Variants in GALNTL6 observed in about 807,000 individuals in gnomAD.
GALNTL6 encodes polypeptide N-acetylgalactosaminyltransferase like 6.
GALNTL6 carries 46 observed loss-of-function variants against 73.7 expected under a neutral mutation model. That is an observed-to-expected ratio of 0.62 (90% confidence interval 0.49 to 0.80). GALNTL6 has a LOEUF of 0.80. Ranked by LOEUF, GALNTL6 falls within the 30% of genes least tolerant of loss-of-function variation. GALNTL6 has a pLI of 0.00. For missense variants in GALNTL6, 604 were observed against 755.0 expected, an observed-to-expected ratio of 0.80 and a Z score of 2.34; for synonymous variants, 259 against 263.7, an observed-to-expected ratio of 0.98 and a Z score of 0.17.
chr4:171,988,867 C>A (rs1220826254), intron 2 of GALNTL6, among the ~76,000 whole-genome samples: 2 of 151,900 alleles, frequency 1.3e-5, no homozygotes, highest in Non-Finnish European at 1.5e-5. Flanking sequence ...GTGTCTTATA[C>A]TTGTGGCTTA....
At chr4:172,585,233 A>G (rs1737356695) in intron 5 of GALNTL6, among the ~76,000 whole-genome samples, 1 of 151,894 alleles carries the variant, frequency 6.6e-6, no homozygotes, top group African/African-American at 2.4e-5. Flanking sequence ...TGTCTCTCCT[A>G]CTAGACTTTT....
intron 2 of GALNTL6, among the ~76,000 whole-genome samples, chr4:171,926,349 G>A (rs1737984585): frequency 6.6e-6 from 1 of 152,026 alleles, no homozygotes; most frequent in African/African-American, 2.4e-5. Context: ...GTTGTTTCAT[G>A]TAGATTCCAA....
chr4:172,433,562 T>A (rs1371893231), intron 5 of GALNTL6, among the ~76,000 whole-genome samples: 3 of 152,172 alleles, frequency 2.0e-5, no homozygotes, highest in Non-Finnish European at 2.9e-5. Context: ...TTTCAGGGCA[T>A]TAGCCAATGA....
At chr4:172,824,800 G>A (rs1298930199) in intron 7 of GALNTL6, among the ~76,000 whole-genome samples, 2 of 152,046 alleles carry the variant, frequency 1.3e-5, no homozygotes, top group Admixed American at 1.3e-4. Flanking sequence ...AAATAAAACA[G>A]TACCGCACAT....
chr4:172,701,532 C>A (rs1734027541), intron 5 of GALNTL6, among the ~76,000 whole-genome samples: 1 of 151,976 alleles, frequency 6.6e-6, no homozygotes, highest in African/African-American at 2.4e-5. Context: ...GTAACTCTTC[C>A]CAGCTTCAAT....
At position 172,579,984 on chromosome 4, in the gene GALNTL6, A is replaced by G. The variant is rs558313678; in HGVS notation, c.554-229377A>G. On this transcript the variant is annotated intron_variant, in intron 5 of 12. Transcript: ENST00000506823. Reference sequence around the variant, plus strand: ...TTCTAACTCAAATTCGTAGACATATATGACCTGAAAAATCCTGTCAAAAAT... The same window carrying G: ...TTCTAACTCAAATTCGTAGACATATGTGACCTGAAAAATCCTGTCAAAAAT... Among the ~76,000 whole-genome samples, 10 of 152,324 alleles carry G rather than the reference A, an allele frequency of 6.6e-5. No individual in the cohort carries two copies. The East Asian group carries it at 1.9e-3, about 29-fold the overall frequency.
intron 5 of GALNTL6, among the ~76,000 whole-genome samples, chr4:172,736,389 T>G (rs1234605812): frequency 6.6e-6 from 1 of 152,230 alleles, no homozygotes; most frequent in African/African-American, 2.4e-5. Context: ...AAGAGAAATA[T>G]GACTCTATTC....
At chr4:172,395,476 TTAGAC>T in intron 5 of GALNTL6, among the ~76,000 whole-genome samples, 1 of 152,312 alleles carries the variant, frequency 6.6e-6, no homozygotes, top group East Asian at 1.9e-4. Context: ...CTTGTGACCT[TTAGAC>T]TATCTTATTA....
chr4:172,112,050 T>C lies in GALNTL6; in HGVS notation c.139-117606T>C, dbSNP rs187663644. Among the ~76,000 whole-genome samples, 269 of 152,172 alleles carry C rather than the reference T, an allele frequency of 1.8e-3. 4 individuals carry two copies. The highest frequency in any genetic ancestry group is 4.4e-4 in the Non-Finnish European group (30 of 67,934). ...ACTAATTTCACTGTCCTAAAAATCT[T>C]TGCCATCCATTCATCCTCCCTGTGC... On this transcript the variant is annotated intron_variant, in intron 2 of 12. Transcript: ENST00000506823.
Position 172,528,965 on chromosome 4 carries a change from G to GATATATATATATATATATA in GALNTL6, c.553+180276_553+180277insATATATATATATATATATA, listed in dbSNP as rs1735071248. Reference sequence around the variant, plus strand: ...TTTTCCCAAAGGCATATATATATATGTGTGTGTATATTTATACATATGTGT... The same window carrying GATATATATATATATATATA: ...TTTTCCCAAAGGCATATATATATATGATATATATATATATATATATGTGTGTATATTTATACATATGTGT... On this transcript the variant is annotated intron_variant, in intron 5 of 12. Coordinates refer to ENST00000506823, the MANE Select transcript of GALNTL6 (RefSeq NM_001034845.3). 5.8e-5 allele frequency among the ~76,000 whole-genome samples: 2 copies of GATATATATATATATATATA among 34,496 alleles called. 1 individual carries two copies. Among genetic ancestry groups the GATATATATATATATATATA allele is most frequent in the African/African-American group, 1.5e-4 (2 of 13,230 alleles). The allele number at this position is 34,496 out of a possible 152,430, so 22.6% of individuals were successfully genotyped here.
intron 10 of GALNTL6, among the ~76,000 whole-genome samples, chr4:172,971,062 G>A (rs539097749): frequency 6.6e-6 from 1 of 152,134 alleles, no homozygotes; most frequent in Non-Finnish European, 1.5e-5. Context: ...TCTGTTCAGG[G>A]TCCCTGACTT....
intron 11 of GALNTL6, 88 bp downstream of exon 11, chr4:173,009,382 A>G (rs1752443501): frequency 2.5e-6 from 2 of 797,888 alleles, no homozygotes; most frequent in East Asian, 4.9e-5. Flanking sequence ...AAATCTCCGA[A>G]TGGTGCAGAT....
Position 171,840,124 on chromosome 4 carries a change from A to G in GALNTL6, c.138+25406A>G, listed in dbSNP as rs568851015. Among the ~76,000 whole-genome samples the G allele has an allele frequency of 5.9e-5, 9 of 152,314 alleles. No homozygotes were observed. In the South Asian group the frequency reaches 1.4e-3, roughly 25 times the overall value. On this transcript the variant is annotated intron_variant, in intron 2 of 12. Coordinates refer to ENST00000506823, the MANE Select transcript of GALNTL6 (RefSeq NM_001034845.3). The stretch of plus-strand genomic sequence containing the variant: ...ACTCTCTTGTTTAACCACATGGCAC[A>G]CAAAGTCACCGGCTCGCTGGCTTAA...
chr4:172,878,933 A>G (rs1297153968), intron 7 of GALNTL6, among the ~76,000 whole-genome samples: 1 of 151,912 alleles, frequency 6.6e-6, no homozygotes, highest in Non-Finnish European at 1.5e-5. Flanking sequence ...TAGTATTTAG[A>G]TAATACAAAT....
At chr4:172,985,714 T>G (rs1751261210) in intron 10 of GALNTL6, among the ~76,000 whole-genome samples, 1 of 152,228 alleles carries the variant, frequency 6.6e-6, no homozygotes, top group Non-Finnish European at 1.5e-5. Flanking sequence ...TGTCCTTTTA[T>G]GCTGAGTCAG....
intron 2 of GALNTL6, among the ~76,000 whole-genome samples, chr4:171,996,446 AACT>A (rs950313271): frequency 8.6e-5 from 13 of 151,992 alleles, no homozygotes; most frequent in African/African-American, 2.7e-4. Flanking sequence ...ACCTCCAATC[AACT>A]ACTATTATCC....
intron 3 of GALNTL6, among the ~76,000 whole-genome samples, chr4:172,297,624 C>A (rs1249131185): frequency 6.6e-6 from 1 of 152,276 alleles, no homozygotes; most frequent in Non-Finnish European, 1.5e-5. Context: ...TTCCCCATTT[C>A]TTGTTTTTAT....
chr4:171,997,287 G>T (rs1032452582), intron 2 of GALNTL6, among the ~76,000 whole-genome samples: 12 of 151,930 alleles, frequency 7.9e-5, no homozygotes, highest in African/African-American at 2.9e-4. Flanking sequence ...ACCACTTCTT[G>T]GATTCCATTA....
chr4:171,986,794 G>C (rs1484327043), intron 2 of GALNTL6, among the ~76,000 whole-genome samples: 3 of 152,142 alleles, frequency 2.0e-5, no homozygotes, highest in Non-Finnish European at 2.9e-5. Flanking sequence ...CTAAGAATTG[G>C]GACGACCCAG....
Sources: allele counts gnomAD v4.1 joint callset (sites outside exome capture counted in the v4.1 genomes callset), GRCh38; gene constraint gnomAD v4.1.1; transcripts MANE v1.5; gene names NCBI Gene and HGNC (gene_info 2026-07-23, HGNC 2026-07-21).